The following DAW1 variants were observed in gnomAD, a reference collection of about 807,000 sequenced individuals.
DAW1 encodes the protein dynein assembly factor with WD repeats 1, also known as dynein assembly factor with WD repeat domains 1.
In DAW1, 47 loss-of-function variants were observed where a neutral mutation model predicts 56.5. The ratio of observed to expected loss-of-function variants is 0.83; its 90% CI spans 0.66 to 1.06. The LOEUF (loss-of-function observed/expected upper bound fraction) is 1.06. Among genes scored for constraint, DAW1 ranks in the 50% least tolerant of loss-of-function variants. DAW1 has a pLI of 0.00. For synonymous variants in DAW1, 190 were observed against 179.0 expected, an observed-to-expected ratio of 1.06 and a Z score of -0.49; for missense variants, 505 against 499.3, an observed-to-expected ratio of 1.01 and a Z score of -0.11.
At chr2:227,898,482 C>T (rs763602814) in intron 6 of DAW1, among the ~76,000 whole-genome samples, 3 of 151,780 alleles carry the variant, frequency 2.0e-5, no homozygotes, top group African/African-American at 4.8e-5. Flanking sequence ...CACCACGCCC[C>T]GCTAATTTTT....
intron 12 of DAW1, among the ~76,000 whole-genome samples, chr2:227,923,514 T>C (rs984406818): frequency 6.6e-6 from 1 of 152,156 alleles, no homozygotes; most frequent in African/African-American, 2.4e-5. Flanking sequence ...CCCTAAAATT[T>C]TGAAATGTTC....
At chr2:227,916,498 C>T (rs1691955535) in intron 10 of DAW1, among the ~76,000 whole-genome samples, 1 of 152,126 alleles carries the variant, frequency 6.6e-6, no homozygotes, top group African/African-American at 2.4e-5. Context: ...TGTCAATGTG[C>T]ATGTCATCTA....
Position 227,906,359 on chromosome 2 carries a change from T to G in DAW1, c.858+21T>G, listed in dbSNP as rs767491330. The G allele has an allele frequency of 7.7e-6, 12 of 1,557,898 alleles. 2 individuals carry two copies. In the South Asian group the frequency reaches 1.4e-4, roughly 18 times the overall value. On this transcript the variant is annotated intron_variant, in intron 9 of 12. Coordinates refer to ENST00000309931, the MANE Select transcript of DAW1 (RefSeq NM_178821.3). ...GCAAGGTGAGCAAAATAAATAAATATCTTTGCTTTATATTGTGTCTATACT... is the reference window on the plus strand; with the variant it reads ...GCAAGGTGAGCAAAATAAATAAATAGCTTTGCTTTATATTGTGTCTATACT...
rs150347456 is a variant in DAW1 at position 227,889,866 on chromosome 2, A to G, written c.124A>G (p.Ser42Gly). 6.6e-4 allele frequency: 1,047 copies of G among 1,595,458 alleles called. 1 individual carries two copies. The highest frequency in any genetic ancestry group is 8.5e-4 in the Non-Finnish European group (995 of 1,174,474). The change falls in exon 3 of 13, where the codon AGT (serine) becomes GGT (glycine). Residue 42 changes from serine to glycine, a missense_variant. Ser to Gly is a moderately conservative substitution (Grantham distance 56). Coordinates refer to ENST00000309931, the MANE Select transcript of DAW1 (RefSeq NM_178821.3). Reference protein sequence around the residue: ...LLDLGPSTDVSALVEEIQKAE... With the variant: ...LLDLGPSTDVGALVEEIQKAE... ...TTGGGTGTATTTCAGCACTGATGTCAGTGCGTTAGTAGAAGAAATCCAGAA... is the reference window on the plus strand; with the variant it reads ...TTGGGTGTATTTCAGCACTGATGTCGGTGCGTTAGTAGAAGAAATCCAGAA...
rs919486675 is a variant in DAW1 at position 227,894,041 on chromosome 2, C to A, written c.440+124C>A. On this transcript the variant is annotated intron_variant, in intron 5 of 12. Transcript: ENST00000309931. ...GAGTGCTTGGTATGTGCTTTGGAAG[C>A]CTTTTAAATACCTCCTTCAAAGCTT... The A allele has an allele frequency of 9.9e-6, 10 of 1,005,984 alleles. No homozygotes were observed. In the South Asian group the frequency reaches 1.8e-4, roughly 19 times the overall value. 62.3% of individuals were successfully genotyped at this position (1,005,984 alleles called of 1,614,324 possible).
intron 5 of DAW1, among the ~76,000 whole-genome samples, chr2:227,897,588 G>T (rs1691441844): frequency 6.6e-6 from 1 of 152,156 alleles, no homozygotes; most frequent in Non-Finnish European, 1.5e-5. Context: ...ACTCTTGCTT[G>T]TTGGTTGTTG....
intron 6 of DAW1, among the ~76,000 whole-genome samples, chr2:227,900,193 AGGG>A (rs935565641): frequency 3.5e-4 from 53 of 152,316 alleles, no homozygotes; most frequent in Admixed American, 1.1e-3. Context: ...TTTACAGAGT[AGGG>A]TACTGAGGCA....
intron 11 of DAW1, 34 bp from the exon 12 acceptor site, chr2:227,921,365 C>G: frequency 7.2e-6 from 4 of 559,404 alleles, no homozygotes; most frequent in Non-Finnish European, 1.1e-5. Flanking sequence ...AACCATTACA[C>G]AAAGCTGTGA....
At chr2:227,921,147 G>A (rs932311634) in intron 11 of DAW1, among the ~76,000 whole-genome samples, 2 of 152,054 alleles carry the variant, frequency 1.3e-5, no homozygotes, top group African/African-American at 2.4e-5. Context: ...GGATGCTTTG[G>A]TCTTTATTCT....
chr2:227,894,401 G>C (rs1265586062), intron 5 of DAW1, among the ~76,000 whole-genome samples: 1 of 152,078 alleles, frequency 6.6e-6, no homozygotes, highest in Non-Finnish European at 1.5e-5. Context: ...GGGCAACAGA[G>C]TGAGACTCTG....
intron 4 of DAW1, 30 bp downstream of exon 4, chr2:227,891,343 A>G: frequency 6.3e-7 from 1 of 1,579,628 alleles, no homozygotes; most frequent in Non-Finnish European, 8.7e-7. Flanking sequence ...TCTAATTTTT[A>G]GCAGTGAAAC....
intron 1 of DAW1, among the ~76,000 whole-genome samples, chr2:227,882,618 T>C (rs1402372290): frequency 3.9e-5 from 6 of 152,244 alleles, no homozygotes; most frequent in Non-Finnish European, 7.3e-5. Flanking sequence ...CTGATAGTTG[T>C]TGATATGGTT....
At chr2:227,873,459 G>A (rs899450038) in intron 1 of DAW1, among the ~76,000 whole-genome samples, 1 of 152,154 alleles carries the variant, frequency 6.6e-6, no homozygotes. Context: ...TGGATAAATG[G>A]ATGTGTTTGA....
chr2:227,894,066 T>A, intron 5 of DAW1, 149 bp downstream of exon 5: 1 of 794,404 alleles, frequency 1.3e-6, no homozygotes, highest in Non-Finnish European at 1.9e-6. Context: ...CTTCAAAGCT[T>A]AAAAGGGTCT....
chr2:227,911,886 T>C (rs1000385387), intron 10 of DAW1, among the ~76,000 whole-genome samples: 1 of 152,200 alleles, frequency 6.6e-6, no homozygotes, highest in Non-Finnish European at 1.5e-5. Context: ...GAGATTACAC[T>C]ATGTCTACAT....
At chr2:227,920,256 A>G (rs1157941312) in intron 11 of DAW1, among the ~76,000 whole-genome samples, 1 of 152,210 alleles carries the variant, frequency 6.6e-6, no homozygotes, top group African/African-American at 2.4e-5. Context: ...GGGCATTTCT[A>G]TGGGGTGCAA....
chr2:227,897,240 G>T (rs1447784887), intron 5 of DAW1, among the ~76,000 whole-genome samples: 1 of 152,118 alleles, frequency 6.6e-6, no homozygotes, highest in Non-Finnish European at 1.5e-5. Flanking sequence ...GGGTGGGTGA[G>T]TGTTTGCCAG....
chr2:227,905,564 T>C (rs1306993438), intron 8 of DAW1, among the ~76,000 whole-genome samples: 1 of 152,198 alleles, frequency 6.6e-6, no homozygotes, highest in East Asian at 1.9e-4. Context: ...CAAGAAATGA[T>C]AGAGGAAGAA....
chr2:227,902,285 T>A (rs1691564754), intron 6 of DAW1, among the ~76,000 whole-genome samples: 1 of 151,962 alleles, frequency 6.6e-6, no homozygotes, highest in Non-Finnish European at 1.5e-5. Flanking sequence ...ATGTTAGCAG[T>A]TGGTACGGAA....
Sources: allele counts gnomAD v4.1 joint callset (sites outside exome capture counted in the v4.1 genomes callset), GRCh38; gene constraint gnomAD v4.1.1; transcripts MANE v1.5; gene names NCBI Gene and HGNC (gene_info 2026-07-23, HGNC 2026-07-21).